The following AKT1S1 variants were observed in gnomAD, a reference collection of about 807,000 sequenced individuals.
The protein encoded by AKT1S1 is proline-rich AKT1 substrate 1.
A neutral mutation model predicts 21.2 loss-of-function variants in AKT1S1; 17 were observed. The observed-to-expected ratio is 0.80, with a 90% confidence interval of 0.55 to 1.20. The LOEUF (loss-of-function observed/expected upper bound fraction) is 1.20. Among genes scored for constraint, AKT1S1 ranks in the 50% most tolerant of loss-of-function variants. The probability of loss-of-function intolerance (pLI) is 0.00; values close to 1 mark genes in which losing one functional copy is unlikely to be tolerated. For missense variants in AKT1S1, 366 were observed against 368.3 expected (o/e 0.99, Z 0.05); for synonymous variants, 181 against 165.6 (o/e 1.09, Z -0.72).
Position 49,869,910 on chromosome 19 carries a change from C to T in AKT1S1, c.*7G>A. 1 of 1,507,494 alleles carries T rather than the reference C, an allele frequency of 6.6e-7. No individual in the cohort carries two copies. The highest frequency in any genetic ancestry group is 8.9e-7 in the Non-Finnish European group (1 of 1,118,184). 93.4% of individuals were successfully genotyped at this position (1,507,494 alleles called of 1,614,324 possible). ...GGACGCGGCCCGGGGCGCTCCCTCC[C>T]TGGACTTCAATATTTCCGCTTCAGC... On this transcript the variant is annotated 3_prime_UTR_variant, in exon 5 of 5. Coordinates refer to ENST00000344175, the MANE Select transcript of AKT1S1 (RefSeq NM_001098633.4).
chr19:49,878,166 G>A, upstream of AKT1S1: 1 of 1,578,218 alleles, frequency 6.3e-7, no homozygotes, highest in Non-Finnish European at 8.6e-7. Context: ...AGGGCGGAGT[G>A]TACCTGCACA....
Position 49,877,339 on chromosome 19 carries a change from C to T in AKT1S1, c.-110G>A. 1 of 255,630 alleles carries T rather than the reference C, an allele frequency of 3.9e-6. No homozygotes were observed. Among genetic ancestry groups the T allele is most frequent in the Non-Finnish European group, 7.6e-6 (1 of 130,876 alleles). 15.8% of individuals were successfully genotyped at this position (255,630 alleles called of 1,614,324 possible). A position where few individuals can be genotyped will look rare whatever the true frequency, so the allele number is the denominator to read the frequency against. ...CCTTAGCTGACCGGCTTAGGCCATG[C>T]CCTCGAGCAAAATGGTACCTCCTTG... is the stretch of plus-strand genomic sequence containing the variant. On this transcript the variant is annotated 5_prime_UTR_variant, in exon 1 of 5. Transcript: ENST00000344175.
In AKT1S1 at chr19:49,869,840, T is replaced by G. The variant is rs3745484; in HGVS notation, c.*77A>C. On this transcript the variant is annotated 3_prime_UTR_variant, in exon 5 of 5. Coordinates refer to ENST00000344175, the MANE Select transcript of AKT1S1 (RefSeq NM_001098633.4). ...GGCCGGTCCCGGATCGGCCTCAGAT[T>G]AGCAGGCCCCGGGAGTGGGGCGGGG... is the stretch of plus-strand genomic sequence containing the variant. The G allele has an allele frequency of 6.2e-4, 827 of 1,333,442 alleles. 13 individuals carry two copies. In the East Asian group the frequency reaches 0.019, roughly 31 times the overall value. 82.6% of individuals were successfully genotyped at this position (1,333,442 alleles called of 1,614,324 possible). A position where few individuals can be genotyped will look rare whatever the true frequency, so the allele number is the denominator to read the frequency against.
intron 1 of AKT1S1, chr19:49,874,057 G>C (rs2074915308): frequency 6.6e-6 from 1 of 152,368 alleles, no homozygotes; most frequent in South Asian, 2.1e-4. Flanking sequence ...GCCATCCCCA[G>C]CTCCTGGGCC....
upstream of AKT1S1, chr19:49,878,152 G>A (rs777787351): frequency 9.5e-6 from 15 of 1,577,502 alleles, no homozygotes; most frequent in Non-Finnish European, 1.3e-5. Context: ...GGTGGTGTTT[G>A]AGAAGGGCGG....
At chr19:49,870,127 C>T (rs551631444) in intron 4 of AKT1S1, 67 bp from the exon 5 acceptor site, 2 of 1,360,982 alleles carry the variant, frequency 1.5e-6, no homozygotes, top group Admixed American at 3.4e-5. Flanking sequence ...ACACGCGGTC[C>T]AGGGGTGCAC....
chr19:49,875,984 T>A, intron 1 of AKT1S1: 1 of 985,108 alleles, frequency 1.0e-6, no homozygotes. Context: ...TAGAGGAAAG[T>A]GAGACGTGTT....
chr19:49,877,733 G>A (rs2074967165), upstream of AKT1S1: 13 of 1,598,948 alleles, frequency 8.1e-6, no homozygotes, highest in East Asian at 2.3e-5. Flanking sequence ...TATGGAAGGA[G>A]CCGGCTACAG....
intron 1 of AKT1S1, chr19:49,876,912 A>G (rs952766770): frequency 1.2e-5 from 5 of 413,052 alleles, no homozygotes; most frequent in African/African-American, 1.0e-4. Flanking sequence ...GACGTCCCTG[A>G]CCCACAATAA....
At chr19:49,877,653 T>G (rs1035998030), upstream of AKT1S1, 1 of 1,552,166 alleles carries the variant, frequency 6.4e-7, no homozygotes, top group Non-Finnish European at 8.8e-7. Flanking sequence ...GGGGAACTGT[T>G]TTCTCCGGAA....
Position 49,873,923 on chromosome 19 carries a change from C to A in AKT1S1, c.-7-621G>T, listed in dbSNP as rs536465760. On this transcript the variant is annotated intron_variant, in intron 1 of 4. Coordinates refer to ENST00000344175, the MANE Select transcript of AKT1S1 (RefSeq NM_001098633.4). The surrounding 1 kb of genome is among the most constrained non-coding windows in gnomAD (Gnocchi z 6.9). ...TTTGATGGATGATGCCACCCTGCTC[C>A]GTCGCCCAGCCATCCCGTCAAGAGT... 1 of 152,368 alleles carries A rather than the reference C, an allele frequency of 6.6e-6. No homozygotes were observed. The highest frequency in any genetic ancestry group is 2.1e-4 in the South Asian group (1 of 4,848). The allele number at this position is 152,368 out of a possible 1,614,324, so 9.4% of individuals were successfully genotyped here.
In AKT1S1 at chr19:49,871,889, C is replaced by G; in HGVS notation, c.380G>C (p.Gly127Ala). ...GGCGTCCTCATCCATCACAAAGAGC[C>G]CTGTGGATGACCTGAGTTAGAGGCC... Reference protein sequence around the residue: ...GEQLGISDNGGLFVMDEDATL... With the variant: ...GEQLGISDNGALFVMDEDATL... The change falls in exon 3 of 5, where the codon GGG (glycine) becomes GCG (alanine). Residue 127 changes from glycine (G) to alanine (A), a missense_variant and splice_region_variant. Coordinates refer to ENST00000344175, the MANE Select transcript of AKT1S1 (RefSeq NM_001098633.4). 1 of 1,613,348 alleles carries G rather than the reference C, an allele frequency of 6.2e-7. No individual in the cohort carries two copies. Among genetic ancestry groups the G allele is most frequent in the Non-Finnish European group, 8.5e-7 (1 of 1,179,778 alleles).
intron 2 of AKT1S1, among the ~76,000 whole-genome samples, chr19:49,872,528 A>T (rs751973985): frequency 3.9e-5 from 6 of 151,956 alleles, no homozygotes; most frequent in Non-Finnish European, 8.8e-5. Context: ...CATCCCAGAC[A>T]ACTCTTTAAC....
chr19:49,876,231 T>C (rs2074942333), intron 1 of AKT1S1: 1 of 1,067,310 alleles, frequency 9.4e-7, no homozygotes, highest in Non-Finnish European at 1.1e-6. Flanking sequence ...CCCACTGGTC[T>C]AGGAAGAAAA....
In AKT1S1 at chr19:49,870,063, G is replaced by T; in HGVS notation, c.628-3C>A. 1.3e-6 allele frequency: 2 copies of T among 1,524,588 alleles called. No individual in the cohort carries two copies. Among genetic ancestry groups the T allele is most frequent in the East Asian group, 2.6e-5 (1 of 38,228 alleles). 94.4% of individuals were successfully genotyped at this position (1,524,588 alleles called of 1,614,324 possible). On this transcript the variant is annotated splice_region_variant and splice_polypyrimidine_tract_variant and intron_variant, in intron 4 of 4. Transcript: ENST00000344175. Reference sequence around the variant, plus strand: ...CGGTCCAGGTCGGGCGAAGAGGGCTGCGGGGACGGCGACGGGGCGAGGTCA... The same window carrying T: ...CGGTCCAGGTCGGGCGAAGAGGGCTTCGGGGACGGCGACGGGGCGAGGTCA...
chr19:49,869,998 G>C lies in AKT1S1; in HGVS notation c.690C>G (p.Ala230=). The stretch of plus-strand genomic sequence containing the variant: ...GGTCCCCGAAGACCTGGGTGTCCTC[G>C]GCCTCTCGCAGCACCAGCGCGCGCA... The part of the protein sequence containing the change: ...ASMRALVLRE[A]EDTQVFGDLP... The change falls in exon 5 of 5, where the codon GCC becomes GCG. Residue 230 remains alanine (A), a synonymous_variant. Coordinates refer to ENST00000344175, the MANE Select transcript of AKT1S1 (RefSeq NM_001098633.4). 8.4e-6 allele frequency: 13 copies of C among 1,546,854 alleles called. No homozygotes were observed. Among genetic ancestry groups the C allele is most frequent in the East Asian group, 2.5e-5 (1 of 39,918 alleles).
At chr19:49,877,177 C>T in intron 1 of AKT1S1, 60 bp downstream of exon 1, 1 of 161,330 alleles carries the variant, frequency 6.2e-6, no homozygotes, top group Non-Finnish European at 1.4e-5. Flanking sequence ...GGGGCACTGA[C>T]GGCTTCATCC....
In AKT1S1 at chr19:49,873,984, C is replaced by G. The variant is rs1477670614; in HGVS notation, c.-7-682G>C. On this transcript the variant is annotated intron_variant, in intron 1 of 4. Transcript: ENST00000344175. The surrounding 1 kb of genome is among the most constrained non-coding windows in gnomAD (Gnocchi z 6.9). The stretch of plus-strand genomic sequence containing the variant: ...AGGCCCAGGGGGTTCCTTCAGCACC[C>G]GGAGCTGATGCTACTCCTCGCCATA... The G allele has an allele frequency of 3.3e-5, 5 of 152,394 alleles. No individual in the cohort carries two copies. The South Asian group carries it at 1.0e-3, about 32-fold the overall frequency. 9.4% of individuals were successfully genotyped at this position (152,394 alleles called of 1,614,324 possible).
In AKT1S1 at chr19:49,871,536, T is replaced by G. The variant is rs78080451; in HGVS notation, c.627+11A>C. ...AGCTGCCCTCCCTACCTCCCCACAT[T>G]TGCCCCTCACCGGCCCATTCTCCTC... On this transcript the variant is annotated intron_variant, in intron 4 of 4. Coordinates refer to ENST00000344175, the MANE Select transcript of AKT1S1 (RefSeq NM_001098633.4). 1,237 of 1,613,774 alleles carry G rather than the reference T, an allele frequency of 7.7e-4. 3 individuals are homozygous for G. In the African/African-American group the frequency reaches 0.014, roughly 19 times the overall value.
Sources: allele counts gnomAD v4.1 joint callset (sites outside exome capture counted in the v4.1 genomes callset), GRCh38; gene constraint gnomAD v4.1.1; non-coding constraint Gnocchi (gnomAD v3.1); transcripts MANE v1.5; gene names NCBI Gene and HGNC (gene_info 2026-07-23, HGNC 2026-07-21).